SEC24B: variants seen among roughly 807,000 people sequenced by gnomAD.
The protein encoded by SEC24B is protein transport protein Sec24B.
In SEC24B, 45 loss-of-function variants were observed where a neutral mutation model predicts 142.8. The observed-to-expected ratio is 0.32, with a 90% CI of 0.25 to 0.40. SEC24B has a LOEUF of 0.40. Among genes scored for constraint, SEC24B ranks in the 10% least tolerant of loss-of-function variants. The pLI, the probability that SEC24B is intolerant of heterozygous loss-of-function variation, is 1.00. For missense variants in SEC24B, 1,409 were observed against 1,526.8 expected (o/e 0.92, Z 1.29); for synonymous variants, 574 against 568.2 (o/e 1.01, Z -0.15).
chr4:109,440,759 T>A (rs1728860606), intron 1 of SEC24B, among the ~76,000 whole-genome samples: 2 of 152,174 alleles, frequency 1.3e-5, no homozygotes, highest in East Asian at 3.8e-4. Flanking sequence ...ACCATATGAG[T>A]TTTCTTCATC....
chr4:109,473,173 A>G lies in SEC24B; in HGVS notation c.1047A>G (p.Leu349=). The G allele has an allele frequency of 6.4e-7, 1 of 1,570,270 alleles. No homozygotes were observed. The highest frequency in any genetic ancestry group is 8.6e-7 in the Non-Finnish European group (1 of 1,158,868). Residue 349 remains leucine (L), a synonymous_variant, in exon 3 of 24, where the codon CTA becomes CTG. Coordinates refer to ENST00000265175, the MANE Select transcript of SEC24B (RefSeq NM_006323.5). ...CCTCAGTTACACAGCCATCAGAGCT[A>G]TTACAACAAAAAGGTATTTGAGATA... The part of the protein sequence containing the change: ...PVTSVTQPSE[L]LQQKGVQYGE...
intron 1 of SEC24B, among the ~76,000 whole-genome samples, chr4:109,439,766 G>C (rs938404391): frequency 8.6e-5 from 13 of 150,782 alleles, no homozygotes; most frequent in African/African-American, 2.4e-4. Context: ...CTCCCAAAGT[G>C]CTGGGATTAC....
At position 109,494,668 on chromosome 4, in the gene SEC24B, G is replaced by A; in HGVS notation, c.1300G>A (p.Asp434Asn). 2 of 1,614,038 alleles carry A rather than the reference G, an allele frequency of 1.2e-6. No homozygotes were observed. The highest frequency in any genetic ancestry group is 1.7e-6 in the Non-Finnish European group (2 of 1,179,988). Reference sequence around the variant, plus strand: ...TGCTCCTGATCCCGCCCCTGAACCTGATCCTGCTTCTGCTCCAGCTCCAGC... The same window carrying A: ...TGCTCCTGATCCCGCCCCTGAACCTAATCCTGCTTCTGCTCCAGCTCCAGC... ...SPAPDPAPEP[D>N]PASAPAPASA... Residue 434 changes from aspartate (D) to asparagine (N), a missense_variant, in exon 6 of 24, where the codon GAT becomes AAT. Physicochemically the swap from Asp to Asn is conservative, Grantham distance 23. Transcript: ENST00000265175.
intron 9 of SEC24B, 150 bp downstream of exon 9, chr4:109,512,233 A>G: frequency 1.4e-6 from 1 of 701,414 alleles, no homozygotes; most frequent in East Asian, 2.8e-5. Context: ...GGCTAGGACT[A>G]GGGATTCTTC....
At chr4:109,513,667 A>G (rs1333847580) in intron 9 of SEC24B, 80 bp from the exon 10 acceptor site, 1 of 773,782 alleles carries the variant, frequency 1.3e-6, no homozygotes, top group Non-Finnish European at 2.3e-6. Context: ...TATTGATAAT[A>G]GATATTTATT....
intron 1 of SEC24B, among the ~76,000 whole-genome samples, chr4:109,443,157 C>T (rs1729093642): frequency 6.6e-6 from 1 of 152,084 alleles, no homozygotes; most frequent in South Asian, 2.1e-4. Context: ...GGTGACCTTA[C>T]TTATTTTACT....
chr4:109,521,142 T>G lies in SEC24B; in HGVS notation c.2271T>G (p.Ser757Arg). 2.6e-6 allele frequency: 4 copies of G among 1,522,408 alleles called. No homozygotes were observed. The highest frequency in any genetic ancestry group is 3.6e-6 in the Non-Finnish European group (4 of 1,101,050). The allele number at this position is 1,522,408 out of a possible 1,614,324, so 94.3% of individuals were successfully genotyped here. The change falls in exon 13 of 24, where the codon AGT becomes AGG. Residue 757 changes from serine to arginine, a missense_variant. By Grantham distance (110) the Ser-to-Arg change is moderately radical. Coordinates refer to ENST00000265175, the MANE Select transcript of SEC24B (RefSeq NM_006323.5). ...ATGTTTTTCTACCTACACCGGATAG[T>G]TTACTTGTGAATCTATATGAAAGTA... ...IDDVFLPTPDSLLVNLYESKE... is the reference protein window; with the variant it reads ...IDDVFLPTPDRLLVNLYESKE...
chr4:109,527,543 CGG>C, intron 18 of SEC24B, 111 bp downstream of exon 18: 1 of 739,410 alleles, frequency 1.4e-6, no homozygotes, highest in Non-Finnish European at 2.3e-6. Context: ...GAGGCTGAGG[CGG>C]ACGGACCACG....
intron 19 of SEC24B, among the ~76,000 whole-genome samples, 182 bp downstream of exon 19, chr4:109,530,646 A>T (rs1724804467): frequency 6.6e-6 from 1 of 152,188 alleles, no homozygotes; most frequent in South Asian, 2.1e-4. Context: ...TCACGCCTGT[A>T]ATCCCAGCAC....
At chr4:109,503,084 G>T (rs1323364009) in intron 6 of SEC24B, among the ~76,000 whole-genome samples, 1 of 149,298 alleles carries the variant, frequency 6.7e-6, no homozygotes, top group Non-Finnish European at 1.5e-5. Flanking sequence ...TTTTGAGACG[G>T]AGTCTTGCTC....
rs570262462 is a variant in SEC24B at position 109,498,422 on chromosome 4, A to G, written c.1488+3566A>G. Among the ~76,000 whole-genome samples the G allele has an allele frequency of 7.7e-3, 1,168 of 152,260 alleles. 4 individuals are homozygous for G. The highest frequency in any genetic ancestry group is 0.012 in the Non-Finnish European group (841 of 68,004). ...GCCCAGGCTGGAGTTCATTGGCGCA[A>G]TCTCGGCTCGCGGCTCACTGCCTCC... On this transcript the variant is annotated intron_variant, in intron 6 of 23. Transcript: ENST00000265175.
chr4:109,473,164 A>G lies in SEC24B; in HGVS notation c.1038A>G (p.Pro346=). ...PVEPVTSVTQ[P]SELLQQKGVQ... is the part of the protein sequence containing the mutation. Reference sequence around the variant, plus strand: ...AGCCTGTGACCTCAGTTACACAGCCATCAGAGCTATTACAACAAAAAGGTA... The same window carrying G: ...AGCCTGTGACCTCAGTTACACAGCCGTCAGAGCTATTACAACAAAAAGGTA... The change falls in exon 3 of 24, where the codon CCA becomes CCG. Residue 346 remains proline, a synonymous_variant. Transcript: ENST00000265175. The G allele has an allele frequency of 6.3e-7, 1 of 1,579,474 alleles. No homozygotes were observed. The highest frequency in any genetic ancestry group is 8.6e-7 in the Non-Finnish European group (1 of 1,163,094).
At chr4:109,444,214 CAAAA>C (rs539104834) in intron 1 of SEC24B, among the ~76,000 whole-genome samples, 5 of 80,166 alleles carry the variant, frequency 6.2e-5, no homozygotes, top group Admixed American at 3.1e-4. Flanking sequence ...AACTCCATCT[CAAAA>C]AAAAAAAAAA....
In SEC24B at chr4:109,538,494, C is replaced by T. The variant is rs1165862031; in HGVS notation, c.3590C>T (p.Thr1197Ile). 1.2e-6 allele frequency: 2 copies of T among 1,604,860 alleles called. No homozygotes were observed. The highest frequency in any genetic ancestry group is 8.5e-7 in the Non-Finnish European group (1 of 1,171,814). The change falls in exon 23 of 24, where the codon ACA becomes ATA. Residue 1197 changes from threonine to isoleucine, a missense_variant and splice_region_variant. This residue lies in a region of SEC24B where 700 missense variants were observed against 853.3 expected (regional missense o/e 0.82). Coordinates refer to ENST00000265175, the MANE Select transcript of SEC24B (RefSeq NM_006323.5). Reference sequence around the variant, plus strand: ...TCCTAATTGTATTTCTTTTACCAGACACATCTTCCAGAGCTAGATACACTT... The same window carrying T: ...TCCTAATTGTATTTCTTTTACCAGATACATCTTCCAGAGCTAGATACACTT... ...TNFASIPQKM[T>I]HLPELDTLSS...
In SEC24B at chr4:109,506,489, CA is replaced by C; in HGVS notation, c.1656del (p.Lys552AsnfsTer2). ...CTGTACCTAACTTGAATGCAGACCTCAAAAAATTAAACTGTAGCCCAGAGTA... is the reference window on the plus strand; with the variant it reads ...CTGTACCTAACTTGAATGCAGACCTCAAAAATTAAACTGTAGCCCAGAGTA... ...APVPNLNADLKKLNCSPDSFR... is the reference protein window; with the variant it reads ...APVPNLNADLXKLNCSPDSFR... On this transcript the variant is annotated frameshift_variant, in exon 7 of 24. Coordinates refer to ENST00000265175, the MANE Select transcript of SEC24B (RefSeq NM_006323.5). LOFTEE classifies it high-confidence loss of function. 6.3e-7 allele frequency: 1 copy of C among 1,575,480 alleles called. No individual in the cohort carries two copies. The highest frequency in any genetic ancestry group is 8.6e-7 in the Non-Finnish European group (1 of 1,163,698).
chr4:109,491,381 A>G lies in SEC24B; in HGVS notation c.1220A>G (p.Asp407Gly), dbSNP rs755059060. 6.2e-7 allele frequency: 1 copy of G among 1,613,616 alleles called. No individual in the cohort carries two copies. Among genetic ancestry groups the G allele is most frequent in the East Asian group, 2.2e-5 (1 of 44,850 alleles). ...SSASPMPNSY[D>G]ALEGGSYPDM... ...GCTTCTCCAATGCCCAACAGTTATG[A>G]TGCCCTGGAAGGAGGCAGTTACCCA... The change falls in exon 5 of 24, where the codon GAT (aspartate) becomes GGT (glycine). Residue 407 changes from aspartate to glycine, a missense_variant. Coordinates refer to ENST00000265175, the MANE Select transcript of SEC24B (RefSeq NM_006323.5).
At chr4:109,492,081 T>C (rs947417790) in intron 5 of SEC24B, among the ~76,000 whole-genome samples, 7 of 152,084 alleles carry the variant, frequency 4.6e-5, no homozygotes, top group African/African-American at 1.4e-4. Flanking sequence ...AGTTTTGCCC[T>C]TCTTTTTATT....
At chr4:109,535,794 G>T (rs1475881451) in intron 22 of SEC24B, among the ~76,000 whole-genome samples, 2 of 152,128 alleles carry the variant, frequency 1.3e-5, no homozygotes, top group Non-Finnish European at 2.9e-5. Context: ...GGAGCTTGCA[G>T]TGAGCCGAGA....
chr4:109,527,064 C>A (rs1259867230), intron 17 of SEC24B, among the ~76,000 whole-genome samples: 1 of 151,736 alleles, frequency 6.6e-6, no homozygotes, highest in Non-Finnish European at 1.5e-5. Flanking sequence ...ACTAAAAATA[C>A]AAAAATTAGC....
Sources: allele counts gnomAD v4.1 joint callset (sites outside exome capture counted in the v4.1 genomes callset), GRCh38; gene constraint gnomAD v4.1.1; regional missense constraint gnomAD v4.1.1; transcripts MANE v1.5; gene names NCBI Gene and HGNC (gene_info 2026-07-23, HGNC 2026-07-21).